Variants in PCYT1B observed in about 807,000 individuals in gnomAD.
The protein encoded by PCYT1B is phosphate cytidylyltransferase 1B, choline, also known as choline-phosphate cytidylyltransferase B.
A neutral mutation model predicts 26.4 loss-of-function variants in PCYT1B; 10 were observed. The ratio of observed to expected loss-of-function variants is 0.38; its 90% confidence interval spans 0.23 to 0.64. The LOEUF (loss-of-function observed/expected upper bound fraction) is 0.64, where lower values mean the gene tolerates loss of function less well. PCYT1B is among the 30% of genes least tolerant of loss of function. The pLI is 0.56. For missense variants in PCYT1B, 161 were observed against 292.7 expected, an observed-to-expected ratio of 0.55 and a Z score of 3.28; for synonymous variants, 131 against 108.4, an observed-to-expected ratio of 1.21 and a Z score of -1.29.
chrX:24,581,695 C>A (rs183268599), intron 5 of PCYT1B, among the ~76,000 whole-genome samples: 4 of 112,382 alleles, frequency 3.6e-5, no homozygotes, highest in Non-Finnish European at 7.5e-5. Flanking sequence ...TTCTCGTCCT[C>A]TTCTACATTC....
At chrX:24,566,201 A>T (rs923172201) in intron 7 of PCYT1B, among the ~76,000 whole-genome samples, 1 of 112,079 alleles carries the variant, frequency 8.9e-6, no homozygotes, top group Non-Finnish European at 1.9e-5. Context: ...TTCTGAGGAG[A>T]TAATCAGAGA....
chrX:24,655,902 G>A (rs1926894414), intron 1 of PCYT1B, among the ~76,000 whole-genome samples: 1 of 105,394 alleles, frequency 9.5e-6, no homozygotes, highest in African/African-American at 3.5e-5. Flanking sequence ...TGGATCACCT[G>A]AGGCCAGGAG....
intron 3 of PCYT1B, among the ~76,000 whole-genome samples, chrX:24,601,334 A>G (rs1339699928): frequency 9.0e-6 from 1 of 111,198 alleles, no homozygotes; most frequent in Non-Finnish European, 1.9e-5. Context: ...CTGTACTAAA[A>G]ATACAACAAT....
At chrX:24,633,044 T>A (rs183282776) in intron 1 of PCYT1B, among the ~76,000 whole-genome samples, 2,592 of 106,769 alleles carry the variant, frequency 0.024, 83 homozygotes, top group African/African-American at 0.082. Context: ...ACCGGGTCTC[T>A]ACTAAAAATA....
chrX:24,639,806 T>C (rs1189436041), intron 1 of PCYT1B, among the ~76,000 whole-genome samples: 1 of 111,070 alleles, frequency 9.0e-6, no homozygotes, highest in Non-Finnish European at 1.9e-5. Flanking sequence ...GTGTCTTTTT[T>C]TCTCCCTGAA....
intron 1 of PCYT1B, chrX:24,621,768 T>C: frequency 5.2e-6 from 2 of 387,183 alleles, no homozygotes; most frequent in Non-Finnish European, 6.6e-6. Context: ...CTTTTTCACA[T>C]GACCTAAAAT....
chrX:24,641,480 G>A (rs1041398625), intron 1 of PCYT1B, among the ~76,000 whole-genome samples: 1 of 112,223 alleles, frequency 8.9e-6, no homozygotes, highest in South Asian at 3.7e-4. Flanking sequence ...TTTGGTTTTA[G>A]TTATGACTAC....
intron 7 of PCYT1B, among the ~76,000 whole-genome samples, chrX:24,569,502 A>T (rs1246609179): frequency 3.6e-5 from 4 of 112,343 alleles, no homozygotes; most frequent in Non-Finnish European, 7.5e-5. Flanking sequence ...CATCAACCCA[A>T]ACATCCATCA....
intron 2 of PCYT1B, among the ~76,000 whole-genome samples, chrX:24,615,887 A>C (rs1352174749): frequency 8.9e-6 from 1 of 111,922 alleles, no homozygotes; most frequent in Non-Finnish European, 1.9e-5. Context: ...GCTGTGGACC[A>C]TGATTCATAA....
intron 1 of PCYT1B, among the ~76,000 whole-genome samples, chrX:24,633,929 G>T (rs1359923638): frequency 9.0e-6 from 1 of 110,585 alleles, no homozygotes; most frequent in African/African-American, 3.3e-5. Context: ...ATCTATTTTT[G>T]TTTGCTTGTT....
chrX:24,575,346 A>C (rs1569238235), intron 6 of PCYT1B, 28 bp from the exon 7 acceptor site: 4 of 1,077,659 alleles, frequency 3.7e-6, no homozygotes, highest in Non-Finnish European at 5.0e-6. Context: ...GAAAAAAAAA[A>C]ACAGATTTAT....
At chrX:24,639,409 G>A (rs762437000) in intron 1 of PCYT1B, among the ~76,000 whole-genome samples, 18 of 112,130 alleles carry the variant, frequency 1.6e-4, no homozygotes, top group African/African-American at 5.5e-4. Flanking sequence ...TCCTTTCACC[G>A]TGGGCTAGTT....
intron 1 of PCYT1B, among the ~76,000 whole-genome samples, chrX:24,667,341 T>TA (rs1602217373): frequency 9.0e-6 from 1 of 110,951 alleles, no homozygotes; most frequent in African/African-American, 3.3e-5. Context: ...TACACATACA[T>TA]ACCTGTAATA....
intron 3 of PCYT1B, among the ~76,000 whole-genome samples, chrX:24,592,167 T>C (rs190036180): frequency 4.6e-4 from 51 of 111,926 alleles, no homozygotes; most frequent in African/African-American, 1.7e-3. Context: ...TATTTAGCTA[T>C]GAAAAAGAAT....
intron 3 of PCYT1B, among the ~76,000 whole-genome samples, chrX:24,593,486 TTTTCTTTTCTTTTCTTTTCTTTTCTTTTC>T: frequency 2.6e-5 from 2 of 76,894 alleles, no homozygotes; most frequent in East Asian, 4.0e-4. Context: ...TTTTCTTTTC[TTTTCTTTTCTTTTCTTTTCTTTTCTTTTC>T]TTTCTTTCTT....
intron 2 of PCYT1B, among the ~76,000 whole-genome samples, chrX:24,610,922 G>A (rs941419633): frequency 2.2e-4 from 25 of 112,051 alleles, no homozygotes; most frequent in Middle Eastern, 4.2e-3. Flanking sequence ...TCAACCTACT[G>A]TAAAGTATGG....
intron 1 of PCYT1B, among the ~76,000 whole-genome samples, chrX:24,669,463 G>C (rs1184752206): frequency 1.2e-5 from 1 of 82,895 alleles, no homozygotes; most frequent in Non-Finnish European, 2.1e-5. Context: ...TCGTGCCATT[G>C]CTCTCCAGCC....
At chrX:24,609,152 G>A (rs1675795247) in intron 2 of PCYT1B, among the ~76,000 whole-genome samples, 1 of 111,280 alleles carries the variant, frequency 9.0e-6, no homozygotes. Flanking sequence ...GGCCACAATA[G>A]TGTTTTTTGT....
intron 6 of PCYT1B, among the ~76,000 whole-genome samples, chrX:24,576,436 T>G (rs1924013982): frequency 9.0e-6 from 1 of 111,336 alleles, no homozygotes; most frequent in African/African-American, 3.3e-5. Flanking sequence ...CCTGAGTAGC[T>G]GGAATAACAG....
Sources: allele counts gnomAD v4.1 joint callset (sites outside exome capture counted in the v4.1 genomes callset), GRCh38; gene constraint gnomAD v4.1.1; transcripts MANE v1.5; gene names NCBI Gene and HGNC (gene_info 2026-07-23, HGNC 2026-07-21).